The following RNF220 variants were observed in gnomAD, a reference collection of about 807,000 sequenced individuals.
The protein encoded by RNF220 is ring finger protein 220, also known as E3 ubiquitin-protein ligase RNF220.
RNF220 carries 7 observed loss-of-function variants against 67.1 expected under a neutral mutation model. The ratio of observed to expected loss-of-function variants is 0.10; its 90% CI spans 0.06 to 0.20. The LOEUF is 0.20. RNF220 is among the 10% of genes least tolerant of loss of function. The pLI, the probability that RNF220 is intolerant of heterozygous loss-of-function variation, is 1.00. For synonymous variants in RNF220, 270 were observed against 283.2 expected, an observed-to-expected ratio of 0.95 and a Z score of 0.47; for missense variants, 565 against 740.3, an observed-to-expected ratio of 0.76 and a Z score of 2.75.
At chr1:44,525,280 A>G (rs1489323713) in intron 2 of RNF220, among the ~76,000 whole-genome samples, 1 of 152,110 alleles carries the variant, frequency 6.6e-6, no homozygotes, top group African/African-American at 2.4e-5. Flanking sequence ...TTGCTGAGCG[A>G]GAGGGGGGCC....
At chr1:44,507,957 A>T (rs1220729558) in intron 2 of RNF220, among the ~76,000 whole-genome samples, 2 of 151,376 alleles carry the variant, frequency 1.3e-5, no homozygotes, top group Non-Finnish European at 2.9e-5. Flanking sequence ...GAGGCGATGG[A>T]GTGGTGGAGA....
At chr1:44,592,609 G>C (rs1248140214) in intron 2 of RNF220, among the ~76,000 whole-genome samples, 1 of 152,208 alleles carries the variant, frequency 6.6e-6, no homozygotes, top group Admixed American at 6.5e-5. Context: ...GGGCAGGAAG[G>C]CATGCTGAGA....
chr1:44,440,550 A>G (rs897804124), intron 2 of RNF220, among the ~76,000 whole-genome samples: 2 of 152,222 alleles, frequency 1.3e-5, no homozygotes, highest in African/African-American at 4.8e-5. Context: ...TCCATTTTAT[A>G]TAGTGCAGCT....
Position 44,425,208 on chromosome 1 carries a change from T to C in RNF220, c.625+12486T>C, listed in dbSNP as rs562186357. 5.9e-5 allele frequency among the ~76,000 whole-genome samples: 9 copies of C among 152,280 alleles called. 1 individual carries two copies. The highest frequency in any genetic ancestry group is 2.2e-4 in the African/African-American group (9 of 41,540). On this transcript the variant is annotated intron_variant, in intron 2 of 14. Transcript: ENST00000361799. The stretch of plus-strand genomic sequence containing the variant: ...TGGGTACCTGCACAGTAGGGGATGC[T>C]CTCGTCAACTTTGCTTATGGAGTTG...
chr1:44,500,375 TC>T (rs1572691601), intron 2 of RNF220, among the ~76,000 whole-genome samples: 1 of 152,268 alleles, frequency 6.6e-6, no homozygotes, highest in East Asian at 1.9e-4. Flanking sequence ...TCTGGAGACT[TC>T]CCTAACACAC....
chr1:44,423,017 A>G (rs1288766956), intron 2 of RNF220, among the ~76,000 whole-genome samples: 1 of 152,194 alleles, frequency 6.6e-6, no homozygotes, highest in African/African-American at 2.4e-5. Flanking sequence ...GAATAGACTG[A>G]TGTGCAAGAT....
At chr1:44,644,272 C>G (rs1644571418) in intron 8 of RNF220, 1 of 167,902 alleles carries the variant, frequency 6.0e-6, no homozygotes, top group Admixed American at 5.5e-5. Flanking sequence ...CCAGCCTGTT[C>G]TCTCCTCTGA....
chr1:44,569,026 C>G (rs12753862), intron 2 of RNF220, among the ~76,000 whole-genome samples: 14,018 of 152,162 alleles, frequency 0.092, 697 homozygotes, highest in African/African-American at 0.13. Context: ...AACTTAGAGG[C>G]AAAAACTTCC....
intron 2 of RNF220, among the ~76,000 whole-genome samples, chr1:44,467,453 C>T (rs1232196501): frequency 1.1e-4 from 16 of 152,360 alleles, no homozygotes; most frequent in East Asian, 9.6e-4. Flanking sequence ...TCAGGTGATC[C>T]GCCCACCTTG....
intron 2 of RNF220, among the ~76,000 whole-genome samples, chr1:44,495,994 G>A (rs1157733772): frequency 6.6e-6 from 1 of 152,226 alleles, no homozygotes; most frequent in Admixed American, 6.5e-5. Flanking sequence ...TTCGTGCAGG[G>A]CTTTTATATA....
At chr1:44,586,517 G>GGGACC (rs1665708285) in intron 2 of RNF220, among the ~76,000 whole-genome samples, 1 of 152,112 alleles carries the variant, frequency 6.6e-6, no homozygotes, top group Non-Finnish European at 1.5e-5. Context: ...CCAGGGAGCT[G>GGGACC]CTGCGGATGA....
At chr1:44,446,399 G>A (rs150136387) in intron 2 of RNF220, among the ~76,000 whole-genome samples, 353 of 152,244 alleles carry the variant, frequency 2.3e-3, no homozygotes, top group African/African-American at 8.1e-3. Flanking sequence ...GTGTGTGAAC[G>A]TGACTGGGAA....
intron 2 of RNF220, among the ~76,000 whole-genome samples, chr1:44,475,438 C>T (rs762209622): frequency 4.7e-4 from 72 of 151,628 alleles, no homozygotes; most frequent in East Asian, 5.9e-4. Flanking sequence ...GGCATGGTGG[C>T]GCATGCCTGT....
chr1:44,405,646 C>T (rs1465586545), intron 1 of RNF220, 116 bp downstream of exon 1: 3 of 259,734 alleles, frequency 1.2e-5, no homozygotes, highest in Non-Finnish European at 2.2e-5. Flanking sequence ...CCTAGGGATT[C>T]GGGCGGTTCC....
intron 2 of RNF220, among the ~76,000 whole-genome samples, chr1:44,607,847 C>T (rs936733797): frequency 6.6e-6 from 1 of 152,020 alleles, no homozygotes. Flanking sequence ...GACTGGTTCC[C>T]ACGCATCCTT....
At position 44,622,222 on chromosome 1, in the gene RNF220, C is replaced by G. The variant is rs1388376891; in HGVS notation, c.759-520C>G. 6.6e-6 allele frequency among the ~76,000 whole-genome samples: 1 copy of G among 152,214 alleles called. No homozygotes were observed. Among genetic ancestry groups the G allele is most frequent in the Admixed American group, 6.5e-5 (1 of 15,294 alleles). ...CCGCCCACCATATTTCAGGGCCCAG[C>G]TCCCGCCTGCCTGCCGCGCCCGATG... On this transcript the variant is annotated intron_variant, in intron 3 of 14. Transcript: ENST00000361799. The surrounding 1 kb of genome is among the most constrained non-coding windows in gnomAD (Gnocchi z 4.3).
rs774535438 is a variant in RNF220, at chr1:44,412,473, A to T, written c.376A>T (p.Thr126Ser). Residue 126 changes from threonine to serine, a missense_variant, in exon 2 of 15, where the codon ACC becomes TCC. Coordinates refer to ENST00000361799, the MANE Select transcript of RNF220 (RefSeq NM_018150.4). The surrounding 1 kb of genome is among the most constrained non-coding windows in gnomAD (Gnocchi z 5.3). Reference sequence around the variant, plus strand: ...GGGGGCTTTCCGGCCCTTTGCCTCCACCGAGGACCGGGAGAGCTATCAGTC... The same window carrying T: ...GGGGGCTTTCCGGCCCTTTGCCTCCTCCGAGGACCGGGAGAGCTATCAGTC... The part of the protein sequence containing the change: ...GVGAFRPFAS[T>S]EDRESYQSAF... 6.2e-7 allele frequency: 1 copy of T among 1,611,328 alleles called. No individual in the cohort carries two copies.
At chr1:44,453,484 T>G (rs1652882908) in intron 2 of RNF220, among the ~76,000 whole-genome samples, 1 of 152,110 alleles carries the variant, frequency 6.6e-6, no homozygotes, top group Admixed American at 6.5e-5. Flanking sequence ...TTTTTATTTG[T>G]TTTCCTGCTT....
chr1:44,408,531 G>C (rs1006595884), intron 1 of RNF220, among the ~76,000 whole-genome samples: 2 of 152,056 alleles, frequency 1.3e-5, no homozygotes, highest in East Asian at 1.9e-4. Flanking sequence ...TTTTTCCTGC[G>C]TTCTTAACAA....
Sources: gnomAD v4.1 joint callset for allele counts (sites outside exome capture counted in the v4.1 genomes callset) on GRCh38, gnomAD v4.1.1 for gene constraint, Gnocchi (gnomAD v3.1) non-coding constraint, MANE v1.5 for transcripts, NCBI Gene and HGNC (gene_info 2026-07-23, HGNC 2026-07-21) for gene names.